NSD1: variants seen among roughly 807,000 people sequenced by gnomAD.
The protein encoded by NSD1 is histone-lysine N-methyltransferase, H3 lysine-36 specific.
A neutral mutation model predicts 242.7 loss-of-function variants in NSD1; 26 were observed. That is an observed-to-expected ratio of 0.11 (90% CI 0.08 to 0.15). The LOEUF (loss-of-function observed/expected upper bound fraction) is 0.15. NSD1 is among the 10% of genes least tolerant of loss of function. The pLI, the probability that NSD1 is intolerant of heterozygous loss-of-function variation, is 1.00. For synonymous variants in NSD1, 1,106 were observed against 1,178.1 expected (o/e 0.94, Z 1.25); for missense variants, 2,495 against 3,272.8 (o/e 0.76, Z 5.80).
intron 2 of NSD1, among the ~76,000 whole-genome samples, chr5:177,145,065 A>G (rs921008137): frequency 6.7e-6 from 1 of 150,148 alleles, no homozygotes; most frequent in Non-Finnish European, 1.5e-5. Flanking sequence ...AGCCTGGGTG[A>G]CAGAGTGAGA....
At chr5:177,262,840 A>G (rs1164250185) in intron 14 of NSD1, among the ~76,000 whole-genome samples, 3 of 152,248 alleles carry the variant, frequency 2.0e-5, no homozygotes, top group Non-Finnish European at 2.9e-5. Flanking sequence ...CCGATAGCTT[A>G]TCTTCACAGG....
Position 177,204,108 on chromosome 5 carries a change from A to G in NSD1, c.1064-12A>G, listed in dbSNP as rs1762706315. 6.2e-7 allele frequency: 1 copy of G among 1,612,914 alleles called. No homozygotes were observed. The highest frequency in any genetic ancestry group is 1.7e-5 in the Admixed American group (1 of 59,962). On this transcript the variant is annotated splice_polypyrimidine_tract_variant and intron_variant, in intron 3 of 22. Transcript: ENST00000439151. Reference sequence around the variant, plus strand: ...TTGATCTAATGATTCTGGTTCTCTTACCCTTACCTAGTTTCCAACCGGAGG... The same window carrying G: ...TTGATCTAATGATTCTGGTTCTCTTGCCCTTACCTAGTTTCCAACCGGAGG...
chr5:177,194,075 CTGA>C (rs1761909359), intron 3 of NSD1, among the ~76,000 whole-genome samples: 1 of 152,076 alleles, frequency 6.6e-6, no homozygotes, highest in South Asian at 2.1e-4. Context: ...CCACACCTGG[CTGA>C]TATTAATATA....
chr5:177,282,679 A>AT (rs1758987799), intron 19 of NSD1, 98 bp downstream of exon 19: 4 of 954,668 alleles, frequency 4.2e-6, no homozygotes, highest in Non-Finnish European at 6.9e-6. Flanking sequence ...TTCCCAAGGT[A>AT]GGGTCTTTTC....
At position 177,209,979 on chromosome 5, in the gene NSD1, G is replaced by C. The variant is rs1414223102; in HGVS notation, c.1580G>C (p.Gly527Ala). 1 of 1,614,118 alleles carries C rather than the reference G, an allele frequency of 6.2e-7. No individual in the cohort carries two copies. The highest frequency in any genetic ancestry group is 8.5e-7 in the Non-Finnish European group (1 of 1,180,014). ...QFEAHKDERRGKIPENLGLNF... is the reference protein window; with the variant it reads ...QFEAHKDERRAKIPENLGLNF... ...GAAGCACATAAAGATGAACGGAGGG[G>C]AAAGATTCCAGAGAACCTTGGCCTA... is the stretch of plus-strand genomic sequence containing the variant. Residue 527 changes from glycine to alanine, a missense_variant, in exon 5 of 23, where the codon GGA becomes GCA. Transcript: ENST00000439151.
chr5:177,266,026 GAAGCCATA>G, intron 14 of NSD1: 1 of 1,042,832 alleles, frequency 9.6e-7, no homozygotes, highest in South Asian at 1.3e-5. Flanking sequence ...AAGATATATC[GAAGCCATA>G]AACGTTCTCC....
chr5:177,183,131 T>C (rs192975194), intron 2 of NSD1, among the ~76,000 whole-genome samples: 2 of 152,324 alleles, frequency 1.3e-5, no homozygotes, highest in South Asian at 2.1e-4. Context: ...GTTCTTGTTA[T>C]ATTGCCCAGG....
chr5:177,131,990 A>G (rs550095954), upstream of NSD1, among the ~76,000 whole-genome samples: 1 of 152,286 alleles, frequency 6.6e-6, no homozygotes, highest in South Asian at 2.1e-4. Flanking sequence ...GGCTGGGGGA[A>G]GGGCCCGAGG....
At chr5:177,277,067 T>A (rs182685780) in intron 17 of NSD1, among the ~76,000 whole-genome samples, 1 of 151,896 alleles carries the variant, frequency 6.6e-6, no homozygotes, top group Non-Finnish European at 1.5e-5. Context: ...ATTGAGCTAC[T>A]GAGAGAGCAG....
intron 3 of NSD1, among the ~76,000 whole-genome samples, chr5:177,200,155 A>G (rs1581277067): frequency 6.6e-6 from 1 of 151,572 alleles, no homozygotes; most frequent in East Asian, 1.9e-4. Context: ...CTGTGGCAGG[A>G]TCTCAGCTCA....
In NSD1 at chr5:177,280,709, A is replaced by G. The variant is rs1758801165; in HGVS notation, c.5767A>G (p.Thr1923Ala). Reference sequence around the variant, plus strand: ...CATGCTGCTCTATGAGTGCCACCCCACAGTGTGTCCTGCCGGAGGGCGCTG... The same window carrying G: ...CATGCTGCTCTATGAGTGCCACCCCGCAGTGTGTCCTGCCGGAGGGCGCTG... ...NRMLLYECHPTVCPAGGRCQN... is the reference protein window; with the variant it reads ...NRMLLYECHPAVCPAGGRCQN... The change falls in exon 18 of 23, where the codon ACA becomes GCA. Residue 1923 changes from threonine to alanine, a missense_variant. By Grantham distance (58) the Thr-to-Ala change is moderately conservative (BLOSUM62 0). Transcript: ENST00000439151. 1 of 1,614,088 alleles carries G rather than the reference A, an allele frequency of 6.2e-7. No individual in the cohort carries two copies. The highest frequency in any genetic ancestry group is 1.3e-5 in the African/African-American group (1 of 74,916).
intron 6 of NSD1, among the ~76,000 whole-genome samples, chr5:177,237,556 G>A (rs1477263153): frequency 2.5e-5 from 3 of 117,944 alleles, no homozygotes; most frequent in Non-Finnish European, 3.3e-5. Context: ...TTTTTGAGAT[G>A]GAGTCTCACT....
chr5:177,276,718 C>T lies in NSD1; in HGVS notation c.5622+2934C>T, dbSNP rs370199606. On this transcript the variant is annotated intron_variant, in intron 17 of 22. Transcript: ENST00000439151. ...CTCCTGGCCTCAGGTTGTCTTCCCA[C>T]GTTGGCCTCCCAAATTACTGGGATT... is the stretch of plus-strand genomic sequence containing the variant. Among the ~76,000 whole-genome samples the T allele has an allele frequency of 3.9e-4, 59 of 152,174 alleles. 2 individuals are homozygous for T. In the East Asian group the frequency reaches 6.0e-3, roughly 15 times the overall value.
chr5:177,221,289 T>G (rs1226487600), intron 5 of NSD1, among the ~76,000 whole-genome samples: 3 of 151,132 alleles, frequency 2.0e-5, no homozygotes. Context: ...CTTTCTGCCT[T>G]CCTTGTTTTT....
intron 4 of NSD1, among the ~76,000 whole-genome samples, chr5:177,209,096 T>G (rs1216749127): frequency 6.6e-6 from 1 of 152,160 alleles, no homozygotes; most frequent in African/African-American, 2.4e-5. Flanking sequence ...AGATCAGTCC[T>G]TACTCTAATG....
chr5:177,221,613 GGCATGCGCCACCA>G (rs1194294824), intron 5 of NSD1, among the ~76,000 whole-genome samples: 1 of 151,216 alleles, frequency 6.6e-6, no homozygotes, highest in African/African-American at 2.4e-5. Context: ...TTAGATTACA[GGCATGCGCCACCA>G]TGCCTGGCTA....
chr5:177,159,884 C>G (rs552308947), intron 2 of NSD1, among the ~76,000 whole-genome samples: 1 of 151,422 alleles, frequency 6.6e-6, no homozygotes, highest in Non-Finnish European at 1.5e-5. Context: ...CCACTGCACC[C>G]GGCCGAATAT....
At chr5:177,183,600 CAAG>C (rs1290438901) in intron 2 of NSD1, among the ~76,000 whole-genome samples, 1 of 152,156 alleles carries the variant, frequency 6.6e-6, no homozygotes, top group East Asian at 1.9e-4. Flanking sequence ...ACCATCCCCT[CAAG>C]GATTTATCCT....
intron 2 of NSD1, among the ~76,000 whole-genome samples, chr5:177,161,674 TTC>T (rs1758760442): frequency 8.5e-6 from 1 of 117,556 alleles, no homozygotes; most frequent in Non-Finnish European, 1.6e-5. Flanking sequence ...TTCTGTTTCT[TTC>T]TTTCTTTTTT....
Sources: gnomAD v4.1 joint callset for allele counts (sites outside exome capture counted in the v4.1 genomes callset) on GRCh38, gnomAD v4.1.1 for gene constraint, MANE v1.5 for transcripts, NCBI Gene and HGNC (gene_info 2026-07-23, HGNC 2026-07-21) for gene names.